Variants in RHOBTB3 observed in about 807,000 individuals in gnomAD.
The protein encoded by RHOBTB3 is rho-related BTB domain-containing protein 3.
Under a neutral mutation model 67.2 loss-of-function variants are expected in RHOBTB3, and 47 were observed. The ratio of observed to expected loss-of-function variants is 0.70; its 90% CI spans 0.55 to 0.89. The LOEUF (loss-of-function observed/expected upper bound fraction) is 0.89, where lower values mean the gene tolerates loss of function less well. Ranked by LOEUF, RHOBTB3 falls within the 40% of genes least tolerant of loss-of-function variation. RHOBTB3 has a pLI of 0.00. For missense variants in RHOBTB3, 631 were observed against 750.0 expected, an observed-to-expected ratio of 0.84 and a Z score of 1.85; for synonymous variants, 273 against 274.2, an observed-to-expected ratio of 1.00 and a Z score of 0.04.
At chr5:95,768,245 ATGTT>A in intron 8 of RHOBTB3, 79 bp downstream of exon 8, 1 of 1,397,792 alleles carries the variant, frequency 7.2e-7, no homozygotes, top group Non-Finnish European at 9.9e-7. Flanking sequence ...TCAGGTTTGA[ATGTT>A]TGGTGTGAAG....
Position 95,788,817 on chromosome 5 carries a change from A to C in RHOBTB3, c.1679A>C (p.Tyr560Ser). Residue 560 changes from tyrosine to serine, a missense_variant, in exon 11 of 12, where the codon TAC becomes TCC. Physicochemically the swap from Tyr to Ser is moderately radical, Grantham distance 144 (BLOSUM62 -2). Coordinates refer to ENST00000379982, the MANE Select transcript of RHOBTB3 (RefSeq NM_014899.4). The part of the protein sequence containing the change: ...TWLLHFIATN[Y>S]LIFSQKPEFQ... Reference sequence around the variant, plus strand: ...CTACTTCATTTCATTGCTACTAACTACCTCATCTTCAGTCAAAAGCCTGAA... The same window carrying C: ...CTACTTCATTTCATTGCTACTAACTCCCTCATCTTCAGTCAAAAGCCTGAA... The C allele has an allele frequency of 2.5e-6, 4 of 1,575,212 alleles. No homozygotes were observed. The highest frequency in any genetic ancestry group is 3.4e-6 in the Non-Finnish European group (4 of 1,166,970).
upstream of RHOBTB3, among the ~76,000 whole-genome samples, chr5:95,727,356 C>T (rs1246644977): frequency 6.6e-6 from 1 of 152,194 alleles, no homozygotes; most frequent in Non-Finnish European, 1.5e-5. Flanking sequence ...CTTACTTCCT[C>T]TCCAGCTGTT....
chr5:95,722,631 A>C lies in RHOBTB3; in HGVS notation n.133+4866A>C, dbSNP rs1580381181. Among the ~76,000 whole-genome samples the C allele has an allele frequency of 2.0e-5, 3 of 152,290 alleles. No individual in the cohort carries two copies. The East Asian group carries it at 5.8e-4, about 29-fold the overall frequency. On this transcript the variant is annotated intron_variant and non_coding_transcript_variant, in intron 1 of 5. Coordinates refer to the RHOBTB3 transcript ENST00000504949. ...CAGCCTCCCAAGTAGCTGGGACTAC[A>C]GGCTCCCGCCACCATGCCCGGCTAA... is the stretch of plus-strand genomic sequence containing the variant.
At position 95,780,322 on chromosome 5, in the gene RHOBTB3, T is replaced by C. The variant is rs1217800687; in HGVS notation, c.1353T>C (p.Gly451=). 2 of 1,613,294 alleles carry C rather than the reference T, an allele frequency of 1.2e-6. No individual in the cohort carries two copies. The highest frequency in any genetic ancestry group is 2.7e-5 in the African/African-American group (2 of 74,912). ...RCEVMAAMFN[G]NYMEAKSVLI... ...AAGTGATGGCAGCCATGTTTAATGGTAATTACATGGAAGCAAAGAGTGTCC... is the reference window on the plus strand; with the variant it reads ...AAGTGATGGCAGCCATGTTTAATGGCAATTACATGGAAGCAAAGAGTGTCC... The change falls in exon 9 of 12, where the codon GGT becomes GGC. Residue 451 remains glycine, a synonymous_variant. Coordinates refer to ENST00000379982, the MANE Select transcript of RHOBTB3 (RefSeq NM_014899.4).
chr5:95,763,654 A>G (rs778797150), intron 7 of RHOBTB3, 34 bp downstream of exon 7: 38 of 1,275,768 alleles, frequency 3.0e-5, no homozygotes, highest in South Asian at 2.7e-4. Context: ...GTTTACTTTG[A>G]CCCTCTGAAT....
rs1012643386 is a variant in RHOBTB3, at chr5:95,796,005, G to A, written c.*2831G>A. 4.6e-5 allele frequency: 7 copies of A among 152,028 alleles called. No homozygotes were observed. The highest frequency in any genetic ancestry group is 1.7e-4 in the African/African-American group (7 of 41,386). 9.4% of individuals were successfully genotyped at this position (152,028 alleles called of 1,614,324 possible). On this transcript the variant is annotated 3_prime_UTR_variant, in exon 12 of 12. Transcript: ENST00000379982. ...GACTGCTCACTGTTCATATTATAGG[G>A]GACCAGATTTGTAATATAGAATTCT...
At chr5:95,732,813 C>G (rs1383577085) in intron 2 of RHOBTB3, 1 of 152,186 alleles carries the variant, frequency 6.6e-6, no homozygotes, top group Non-Finnish European at 1.5e-5. Flanking sequence ...GAGAAAGGAA[C>G]TTACTTTCTG....
At chr5:95,787,719 GA>G (rs1024622883) in intron 10 of RHOBTB3, among the ~76,000 whole-genome samples, 15 of 152,258 alleles carry the variant, frequency 9.9e-5, no homozygotes, top group African/African-American at 3.6e-4. Flanking sequence ...ATGAAACTTG[GA>G]AAATATTACC....
intron 10 of RHOBTB3, among the ~76,000 whole-genome samples, chr5:95,784,896 G>A (rs948888690): frequency 3.3e-5 from 5 of 152,118 alleles, no homozygotes; most frequent in African/African-American, 1.2e-4. Flanking sequence ...ACACTCTTGT[G>A]TACTCAACTT....
At chr5:95,783,749 A>G in intron 9 of RHOBTB3, 48 bp from the exon 10 acceptor site, 1 of 1,539,700 alleles carries the variant, frequency 6.5e-7, no homozygotes, top group Non-Finnish European at 8.9e-7. Flanking sequence ...AGATCATTAA[A>G]GAAATGGTTT....
intron 1 of RHOBTB3, among the ~76,000 whole-genome samples, chr5:95,722,035 AATGAGGACC>A (rs780329095): frequency 4.6e-5 from 7 of 152,206 alleles, no homozygotes; most frequent in Non-Finnish European, 8.8e-5. Context: ...AGTTGAGAAA[AATGAGGACC>A]AAATGTATTG....
intron 4 of RHOBTB3, 21 bp downstream of exon 4, chr5:95,748,508 AG>A (rs765727115): frequency 6.3e-7 from 1 of 1,581,518 alleles, no homozygotes; most frequent in Non-Finnish European, 8.6e-7. Flanking sequence ...ATTCCTGTTA[AG>A]TATAAAGTTA....
At chr5:95,742,792 A>G (rs1290921955) in intron 3 of RHOBTB3, among the ~76,000 whole-genome samples, 1 of 152,182 alleles carries the variant, frequency 6.6e-6, no homozygotes. Context: ...AAACTCTCAG[A>G]CCAGGCGCAG....
rs541688648 is a variant in RHOBTB3, at chr5:95,794,135, C to T, written c.*961C>T. On this transcript the variant is annotated 3_prime_UTR_variant, in exon 12 of 12. Coordinates refer to ENST00000379982, the MANE Select transcript of RHOBTB3 (RefSeq NM_014899.4). ...CCCAGGGCCTCCACTGCCACCTTGG[C>T]TGGCAAGGGAGAAATGTGTTGTGTT... is the stretch of plus-strand genomic sequence containing the variant. 514 of 425,368 alleles carry T rather than the reference C, an allele frequency of 1.2e-3. 3 individuals are homozygous for T. Among genetic ancestry groups the T allele is most frequent in the Admixed American group, 2.9e-4 (10 of 34,044 alleles). The allele number at this position is 425,368 out of a possible 1,614,324, so 26.3% of individuals were successfully genotyped here. A position where few individuals can be genotyped will look rare whatever the true frequency, so the allele number is the denominator to read the frequency against.
At chr5:95,766,371 G>A (rs897026042) in intron 7 of RHOBTB3, among the ~76,000 whole-genome samples, 1 of 151,724 alleles carries the variant, frequency 6.6e-6, no homozygotes, top group Non-Finnish European at 1.5e-5. Flanking sequence ...TTCAGCAGGG[G>A]GAATGGGTGG....
intron 5 of RHOBTB3, among the ~76,000 whole-genome samples, chr5:95,753,817 G>A (rs1745162297): frequency 6.6e-6 from 1 of 152,118 alleles, no homozygotes; most frequent in African/African-American, 2.4e-5. Flanking sequence ...AGCTTTAAAA[G>A]AAATATCTTG....
chr5:95,736,335 C>T (rs1469263514), intron 2 of RHOBTB3, among the ~76,000 whole-genome samples: 2 of 152,086 alleles, frequency 1.3e-5, no homozygotes, highest in Non-Finnish European at 2.9e-5. Context: ...CTCCCTCACC[C>T]CACATTCATA....
At chr5:95,786,281 G>C (rs1746221420) in intron 10 of RHOBTB3, among the ~76,000 whole-genome samples, 1 of 152,200 alleles carries the variant, frequency 6.6e-6, no homozygotes, top group African/African-American at 2.4e-5. Context: ...ACTTTTAGGA[G>C]TGAAATTGTC....
Position 95,794,272 on chromosome 5 carries a change from TA to T in RHOBTB3, c.*1100del. The stretch of plus-strand genomic sequence containing the variant: ...TAAGAGTGACTAACCAGCCTAACTT[TA>T]ATACACATGTATAAAGATGTTCACA... On this transcript the variant is annotated 3_prime_UTR_variant, in exon 12 of 12. Transcript: ENST00000379982. 4.0e-6 allele frequency: 1 copy of T among 247,604 alleles called. No individual in the cohort carries two copies. Among genetic ancestry groups the T allele is most frequent in the African/African-American group, 2.2e-5 (1 of 44,802 alleles). 15.3% of individuals were successfully genotyped at this position (247,604 alleles called of 1,614,324 possible).
Sources: gnomAD v4.1 joint callset for allele counts (sites outside exome capture counted in the v4.1 genomes callset) on GRCh38, gnomAD v4.1.1 for gene constraint, MANE v1.5 for transcripts, NCBI Gene and HGNC (gene_info 2026-07-23, HGNC 2026-07-21) for gene names.